FMN2: variants seen among roughly 807,000 people sequenced by gnomAD.
FMN2 encodes the protein formin-2.
In FMN2, 51 loss-of-function variants were observed where a neutral mutation model predicts 142.3. That is an observed-to-expected ratio of 0.36 (90% confidence interval 0.29 to 0.45). The LOEUF (loss-of-function observed/expected upper bound fraction) is 0.45, where lower values mean the gene tolerates loss of function less well. FMN2 is among the 20% of genes least tolerant of loss of function. The pLI is 1.00. For synonymous variants in FMN2, 882 were observed against 869.8 expected (o/e 1.01, Z -0.25); for missense variants, 1,936 against 2,122.8 (o/e 0.91, Z 1.73).
intron 16 of FMN2, among the ~76,000 whole-genome samples, chr1:240,452,797 A>G (rs1264477884): frequency 2.0e-5 from 3 of 152,222 alleles, no homozygotes; most frequent in Admixed American, 2.0e-4. Flanking sequence ...ACATCTTACT[A>G]GCTGTAGATA....
intron 1 of FMN2, among the ~76,000 whole-genome samples, chr1:240,119,698 T>C (rs1488562848): frequency 6.6e-6 from 1 of 152,116 alleles, no homozygotes; most frequent in Non-Finnish European, 1.5e-5. Flanking sequence ...GGCATATGCT[T>C]TCATGGAAGT....
chr1:240,142,829 C>G lies in FMN2; in HGVS notation c.1782+19484C>G, dbSNP rs577578434. 2.1e-5 allele frequency: 34 copies of G among 1,586,770 alleles called. No individual in the cohort carries two copies. In the South Asian group the frequency reaches 3.6e-4, roughly 17 times the overall value. On this transcript the variant is annotated intron_variant, in intron 2 of 17. Transcript: ENST00000319653. Reference sequence around the variant, plus strand: ...CTGTGATGGTCTTAGGCTTGCCAGCCTGGCCCACCACATCCACTGCCTGGC... The same window carrying G: ...CTGTGATGGTCTTAGGCTTGCCAGCGTGGCCCACCACATCCACTGCCTGGC...
rs190199995 is a variant in FMN2 at position 240,204,823 on chromosome 1, A to C, written c.1987-1976A>C. 4.6e-5 allele frequency among the ~76,000 whole-genome samples: 7 copies of C among 152,278 alleles called. 1 individual carries two copies. The highest frequency in any genetic ancestry group is 4.6e-4 in the Admixed American group (7 of 15,296). ...TGCCCTAAAGATTTTTATCACATCT[A>C]TCATAGCACCCAAAAATGCCTCATT... On this transcript the variant is annotated intron_variant, in intron 4 of 17. Coordinates refer to ENST00000319653, the MANE Select transcript of FMN2 (RefSeq NM_020066.5).
chr1:240,176,995 G>T (rs994728349), intron 2 of FMN2, among the ~76,000 whole-genome samples: 3 of 152,142 alleles, frequency 2.0e-5, no homozygotes, highest in African/African-American at 7.2e-5. Flanking sequence ...CATTTACTTT[G>T]TAGTCTCGAC....
intron 15 of FMN2, among the ~76,000 whole-genome samples, chr1:240,405,984 G>C (rs1313932746): frequency 6.6e-6 from 1 of 151,722 alleles, no homozygotes; most frequent in African/African-American, 2.4e-5. Context: ...TCAGGAGTGG[G>C]GGAAGCGAAG....
At chr1:240,238,235 G>A (rs1333428630) in intron 6 of FMN2, among the ~76,000 whole-genome samples, 1 of 152,188 alleles carries the variant, frequency 6.6e-6, no homozygotes, top group East Asian at 1.9e-4. Context: ...GAGAAGAAAG[G>A]ACTGATTCGA....
At chr1:240,154,880 C>T (rs1320461086) in intron 2 of FMN2, 1 of 141,462 alleles carries the variant, frequency 7.1e-6, no homozygotes, top group African/African-American at 2.6e-5. Context: ...TCCCTCCCCT[C>T]CCTTCCCCTC....
chr1:240,442,980 C>T (rs988408457), intron 16 of FMN2, among the ~76,000 whole-genome samples: 3 of 152,140 alleles, frequency 2.0e-5, no homozygotes, highest in Non-Finnish European at 2.9e-5. Context: ...AATGACATAA[C>T]GTATTTGAAG....
Position 240,123,237 on chromosome 1 carries a change from A to G in FMN2, c.1674A>G (p.Ala558=). The G allele has an allele frequency of 6.2e-7, 1 of 1,614,180 alleles. No individual in the cohort carries two copies. The highest frequency in any genetic ancestry group is 8.5e-7 in the Non-Finnish European group (1 of 1,180,028). ...SQQENGPPEE[A]EKFCSRIIAM... ...AGGAGAACGGGCCTCCAGAAGAAGC[A>G]GAGAAGTTTTGCTCCCGGATCATTG... Residue 558 remains alanine (A), a synonymous_variant, in exon 2 of 18, where the codon GCA becomes GCG. Coordinates refer to ENST00000319653, the MANE Select transcript of FMN2 (RefSeq NM_020066.5).
intron 6 of FMN2, among the ~76,000 whole-genome samples, chr1:240,246,408 C>T (rs568155214): frequency 6.6e-6 from 1 of 152,278 alleles, no homozygotes; most frequent in South Asian, 2.1e-4. Flanking sequence ...CTACAATCAG[C>T]TATAACCATG....
intron 2 of FMN2, among the ~76,000 whole-genome samples, chr1:240,160,777 A>C (rs1205503064): frequency 1.3e-5 from 2 of 152,084 alleles, no homozygotes; most frequent in Non-Finnish European, 1.5e-5. Context: ...GATAAATAAG[A>C]AATTGGAGAA....
chr1:240,246,608 G>T (rs1337804672), intron 6 of FMN2, among the ~76,000 whole-genome samples: 1 of 152,158 alleles, frequency 6.6e-6, no homozygotes, highest in Non-Finnish European at 1.5e-5. Context: ...AAGCTCGTTA[G>T]AAACAAAGAA....
At chr1:240,329,191 A>G in intron 9 of FMN2, 24 bp downstream of exon 9, 2 of 1,613,356 alleles carry the variant, frequency 1.2e-6, no homozygotes, top group Non-Finnish European at 1.7e-6. Flanking sequence ...ATAACCACGT[A>G]GAGGGCGTCC....
intron 3 of FMN2, among the ~76,000 whole-genome samples, chr1:240,180,570 T>C (rs74798513): frequency 4.4e-4 from 41 of 93,224 alleles, no homozygotes; most frequent in South Asian, 7.7e-4. Flanking sequence ...TGACCCCTTT[T>C]TTTTTTTTTT....
intron 6 of FMN2, among the ~76,000 whole-genome samples, chr1:240,225,217 C>G (rs1389736128): frequency 2.6e-5 from 4 of 152,282 alleles, no homozygotes; most frequent in Admixed American, 2.6e-4. Flanking sequence ...AGGCTGTACC[C>G]TCACAGGAGC....
intron 15 of FMN2, among the ~76,000 whole-genome samples, chr1:240,431,062 A>T (rs1038496601): frequency 6.6e-6 from 1 of 151,456 alleles, no homozygotes; most frequent in African/African-American, 2.4e-5. Context: ...ACATTACTGA[A>T]TCTTTCAGCC....
At chr1:240,159,780 A>T (rs1222844477) in intron 2 of FMN2, among the ~76,000 whole-genome samples, 1 of 151,584 alleles carries the variant, frequency 6.6e-6, no homozygotes, top group African/African-American at 2.4e-5. Flanking sequence ...TTGAAAGTTT[A>T]TTTTAAAAAG....
intron 15 of FMN2, among the ~76,000 whole-genome samples, chr1:240,416,571 C>T (rs796605255): frequency 2.0e-5 from 3 of 152,264 alleles, no homozygotes; most frequent in African/African-American, 7.2e-5. Context: ...TGCGCCCAGC[C>T]TCCCTTTCCA....
At chr1:240,330,418 G>T (rs1398895579) in intron 10 of FMN2, among the ~76,000 whole-genome samples, 185 bp from the exon 11 acceptor site, 1 of 152,072 alleles carries the variant, frequency 6.6e-6, no homozygotes, top group Non-Finnish European at 1.5e-5. Context: ...AATGTTTGTG[G>T]GTGGTGCAAC....
Sources: gnomAD v4.1 joint callset for allele counts (sites outside exome capture counted in the v4.1 genomes callset) on GRCh38, gnomAD v4.1.1 for gene constraint, MANE v1.5 for transcripts, NCBI Gene and HGNC (gene_info 2026-07-23, HGNC 2026-07-21) for gene names.